Variants in AASDHPPT observed in about 807,000 individuals in gnomAD.
AASDHPPT encodes L-aminoadipate-semialdehyde dehydrogenase-phosphopantetheinyl transferase.
Under a neutral mutation model 36.4 loss-of-function variants are expected in AASDHPPT, and 23 were observed. The ratio of observed to expected loss-of-function variants is 0.63; its 90% CI spans 0.45 to 0.89. The LOEUF (loss-of-function observed/expected upper bound fraction) is 0.89. Among genes scored for constraint, AASDHPPT ranks in the 40% least tolerant of loss-of-function variants. The pLI is 0.00. For synonymous variants in AASDHPPT, 115 were observed against 128.0 expected (o/e 0.90, Z 0.68); for missense variants, 377 against 378.2 (o/e 1.00, Z 0.03).
intron 1 of AASDHPPT, among the ~76,000 whole-genome samples, chr11:106,078,487 G>A (rs545947469): frequency 6.6e-6 from 1 of 152,288 alleles, no homozygotes; most frequent in South Asian, 2.1e-4. Flanking sequence ...GTATTTTGAA[G>A]CAACAAATGG....
chr11:106,097,005 A>T lies in AASDHPPT; in HGVS notation c.*98A>T, dbSNP rs773915396. On this transcript the variant is annotated 3_prime_UTR_variant, in exon 6 of 6. Transcript: ENST00000278618. ...TTTAGTATCAAATTTTATTTCACGA[A>T]AGTTTTTTTAAAGAACAGAAACTTT... 14 of 1,279,096 alleles carry T rather than the reference A, an allele frequency of 1.1e-5. No individual in the cohort carries two copies. Among genetic ancestry groups the T allele is most frequent in the South Asian group, 9.9e-5 (6 of 60,816 alleles). 79.2% of individuals were successfully genotyped at this position (1,279,096 alleles called of 1,614,324 possible).
intron 5 of AASDHPPT, among the ~76,000 whole-genome samples, chr11:106,095,161 A>G (rs191075015): frequency 1.4e-4 from 21 of 152,300 alleles, no homozygotes; most frequent in African/African-American, 4.3e-4. Context: ...TCACATTCGT[A>G]TACGCTTAAG....
Position 106,079,591 on chromosome 11 carries a change from C to G in AASDHPPT, c.308C>G (p.Pro103Arg). The G allele has an allele frequency of 6.2e-7, 1 of 1,614,150 alleles. No homozygotes were observed. Among genetic ancestry groups the G allele is most frequent in the South Asian group, 1.1e-5 (1 of 91,084 alleles). ...GCAAAGGACTCATCGAATCCTTACC[C>G]GAATTTCAACTTTAACATCTCTCAT... ...VLAKDSSNPY[P>R]NFNFNISHQG... The change falls in exon 2 of 6, where the codon CCG becomes CGG. Residue 103 changes from proline (P) to arginine (R), a missense_variant. Pro to Arg is a moderately radical substitution (Grantham distance 103, BLOSUM62 -2). Coordinates refer to ENST00000278618, the MANE Select transcript of AASDHPPT (RefSeq NM_015423.3).
rs775262240 is a variant in AASDHPPT, at chr11:106,079,592, G to A, written c.309G>A (p.Pro103=). Residue 103 remains proline (P), a synonymous_variant, in exon 2 of 6, where the codon CCG becomes CCA. Coordinates refer to ENST00000278618, the MANE Select transcript of AASDHPPT (RefSeq NM_015423.3). ...CAAAGGACTCATCGAATCCTTACCC[G>A]AATTTCAACTTTAACATCTCTCATC... ...VLAKDSSNPY[P]NFNFNISHQG... is the part of the protein sequence containing the mutation. 2.0e-5 allele frequency: 32 copies of A among 1,614,002 alleles called. No homozygotes were observed. Among genetic ancestry groups the A allele is most frequent in the Middle Eastern group, 1.6e-4 (1 of 6,084 alleles).
chr11:106,082,515 G>A (rs1174449532), intron 2 of AASDHPPT, among the ~76,000 whole-genome samples: 1 of 152,060 alleles, frequency 6.6e-6, no homozygotes, highest in Admixed American at 6.5e-5. Flanking sequence ...GCTTTTGGGG[G>A]TTATCATTAG....
intron 2 of AASDHPPT, among the ~76,000 whole-genome samples, chr11:106,084,055 G>A (rs777062491): frequency 2.0e-4 from 30 of 152,038 alleles, no homozygotes; most frequent in Non-Finnish European, 3.5e-4. Context: ...TAATAGGCAC[G>A]TTACAGAAGA....
At chr11:106,084,733 A>G (rs2135038854) in intron 2 of AASDHPPT, among the ~76,000 whole-genome samples, 1 of 151,250 alleles carries the variant, frequency 6.6e-6, no homozygotes, top group Non-Finnish European at 1.5e-5. Flanking sequence ...GGGTTCAAGC[A>G]ATTCTTTTGC....
At chr11:106,085,679 A>G (rs1861190525) in intron 2 of AASDHPPT, among the ~76,000 whole-genome samples, 1 of 152,262 alleles carries the variant, frequency 6.6e-6, no homozygotes, top group African/African-American at 2.4e-5. Flanking sequence ...TTGACAAAAG[A>G]AGATACACAT....
At chr11:106,090,440 A>G (rs1861243483) in intron 2 of AASDHPPT, 117 bp from the exon 3 acceptor site, 3 of 777,070 alleles carry the variant, frequency 3.9e-6, no homozygotes, top group Non-Finnish European at 5.8e-6. Context: ...AATGTATTCA[A>G]AAGTATGGTT....
intron 2 of AASDHPPT, among the ~76,000 whole-genome samples, chr11:106,086,996 G>A (rs1213567920): frequency 1.3e-5 from 2 of 152,054 alleles, no homozygotes; most frequent in Admixed American, 6.6e-5. Flanking sequence ...GATAACATTC[G>A]CAGCCCAGTA....
chr11:106,079,566 G>T lies in AASDHPPT; in HGVS notation c.283G>T (p.Ala95Ser). The part of the protein sequence containing the change: ...QRTAKGKPVL[A>S]KDSSNPYPNF... ...AACTGCAAAAGGAAAACCAGTTCTT[G>T]CAAAGGACTCATCGAATCCTTACCC... The change falls in exon 2 of 6, where the codon GCA (alanine) becomes TCA (serine). Residue 95 changes from alanine (A) to serine (S), a missense_variant. Transcript: ENST00000278618. 1 of 1,614,116 alleles carries T rather than the reference G, an allele frequency of 6.2e-7. No homozygotes were observed. The highest frequency in any genetic ancestry group is 8.5e-7 in the Non-Finnish European group (1 of 1,179,992).
chr11:106,091,509 G>C (rs979274986), intron 4 of AASDHPPT, 32 bp downstream of exon 4: 1 of 1,540,972 alleles, frequency 6.5e-7, no homozygotes, highest in Non-Finnish European at 8.7e-7. Context: ...TTAAAACTAA[G>C]AATTTCTATT....
Position 106,096,960 on chromosome 11 carries a change from C to A in AASDHPPT, c.*53C>A. 1 of 1,477,736 alleles carries A rather than the reference C, an allele frequency of 6.8e-7. No homozygotes were observed. Among genetic ancestry groups the A allele is most frequent in the Non-Finnish European group, 9.0e-7 (1 of 1,106,816 alleles). 91.5% of individuals were successfully genotyped at this position (1,477,736 alleles called of 1,614,324 possible). On this transcript the variant is annotated 3_prime_UTR_variant, in exon 6 of 6. Transcript: ENST00000278618. ...AAAACTGTTTGTGATCTTCCGTATTCACTGAAAAATAAATGCTTGTTTAGT... is the reference window on the plus strand; with the variant it reads ...AAAACTGTTTGTGATCTTCCGTATTAACTGAAAAATAAATGCTTGTTTAGT...
chr11:106,078,088 C>A (rs949934239), intron 1 of AASDHPPT, among the ~76,000 whole-genome samples, 195 bp downstream of exon 1: 1 of 152,198 alleles, frequency 6.6e-6, no homozygotes, highest in Non-Finnish European at 1.5e-5. Context: ...CCTTTGTAAC[C>A]GCCTTGGAGG....
At position 106,086,391 on chromosome 11, in the gene AASDHPPT, A is replaced by G. The variant is rs117559263; in HGVS notation, c.410-4166A>G. 2.6e-5 allele frequency: 4 copies of G among 152,286 alleles called. No homozygotes were observed. In the East Asian group the frequency reaches 7.7e-4, roughly 29 times the overall value. 9.4% of individuals were successfully genotyped at this position (152,286 alleles called of 1,614,324 possible). ...GTCTCTCCTTGTAAGGAAACCAGGC[A>G]TTGGATTCAGGGCTCACTTTAATTA... is the stretch of plus-strand genomic sequence containing the variant. On this transcript the variant is annotated intron_variant, in intron 2 of 5. Coordinates refer to ENST00000278618, the MANE Select transcript of AASDHPPT (RefSeq NM_015423.3).
At chr11:106,079,330 G>A (rs370269150) in intron 1 of AASDHPPT, 137 bp from the exon 2 acceptor site, 10 of 669,030 alleles carry the variant, frequency 1.5e-5, no homozygotes, top group Non-Finnish European at 2.2e-5. Flanking sequence ...CTTAATTAAC[G>A]TGTGTTTAAT....
intron 4 of AASDHPPT, 115 bp from the exon 5 acceptor site, chr11:106,094,468 A>G: frequency 1.4e-6 from 1 of 694,114 alleles, no homozygotes; most frequent in South Asian, 2.6e-5. Flanking sequence ...GTGTGAGTGT[A>G]CGTATATGTA....
chr11:106,096,625 A>G (rs1861316866), intron 5 of AASDHPPT, 118 bp from the exon 6 acceptor site: 4 of 703,340 alleles, frequency 5.7e-6, no homozygotes, highest in East Asian at 6.1e-5. Context: ...TAGGAATCCT[A>G]TGTTGTCATT....
chr11:106,079,237 G>C (rs967301145), intron 1 of AASDHPPT, among the ~76,000 whole-genome samples: 5 of 152,214 alleles, frequency 3.3e-5, no homozygotes, highest in African/African-American at 1.2e-4. Context: ...CAGGATGCCA[G>C]CTGTTAACTT....
Sources: gnomAD v4.1 joint callset for allele counts (sites outside exome capture counted in the v4.1 genomes callset) on GRCh38, gnomAD v4.1.1 for gene constraint, MANE v1.5 for transcripts, NCBI Gene and HGNC (gene_info 2026-07-23, HGNC 2026-07-21) for gene names.